UBR2: variants seen among roughly 807,000 people sequenced by gnomAD.
The protein encoded by UBR2 is ubiquitin protein ligase E3 component n-recognin 2.
A neutral mutation model predicts 247.9 loss-of-function variants in UBR2; 92 were observed. That is an observed-to-expected ratio of 0.37 (90% CI 0.31 to 0.44). UBR2 has a LOEUF of 0.44. Ranked by LOEUF, UBR2 falls within the 20% of genes least tolerant of loss-of-function variation. UBR2 has a pLI of 1.00. For missense variants in UBR2, 1,613 were observed against 2,112.6 expected (o/e 0.76, Z 4.64); for synonymous variants, 672 against 693.5 (o/e 0.97, Z 0.49).
intron 25 of UBR2, 123 bp downstream of exon 25, chr6:42,652,768 T>C (rs941137963): frequency 5.6e-6 from 5 of 899,224 alleles, no homozygotes; most frequent in Admixed American, 3.3e-5. Flanking sequence ...AACTTGAATA[T>C]ATTGTTACTG....
intron 2 of UBR2, among the ~76,000 whole-genome samples, chr6:42,587,577 C>CA (rs780339035): frequency 7.2e-5 from 11 of 151,918 alleles, no homozygotes; most frequent in Non-Finnish European, 1.3e-4. Context: ...GGGCTGGTCT[C>CA]AAACTCCTGG....
Position 42,691,783 on chromosome 6 carries a change from T to G in UBR2, c.*610T>G, listed in dbSNP as rs1421206209. On this transcript the variant is annotated 3_prime_UTR_variant, in exon 47 of 47. Transcript: ENST00000372901. ...GCTGGTTTTTCAGGGCTGTTAGAGG[T>G]TTTTTTTTTTTCTTTTTTTTTTTAT... 4.7e-5 allele frequency: 1 copy of G among 21,194 alleles called. No individual in the cohort carries two copies. Among genetic ancestry groups the G allele is most frequent in the Non-Finnish European group, 1.0e-4 (1 of 9,980 alleles). 1.3% of individuals were successfully genotyped at this position (21,194 alleles called of 1,614,324 possible).
intron 17 of UBR2, 132 bp from the exon 18 acceptor site, chr6:42,642,284 A>G (rs1291989785): frequency 1.5e-6 from 1 of 653,130 alleles, no homozygotes; most frequent in East Asian, 2.8e-5. Context: ...TACTAAGATA[A>G]TGTTAATTGT....
chr6:42,571,305 A>G (rs977457364), intron 1 of UBR2, among the ~76,000 whole-genome samples: 3 of 151,406 alleles, frequency 2.0e-5, no homozygotes, highest in Non-Finnish European at 4.4e-5. Context: ...TTGTATTAAA[A>G]TTTTGCAACA....
chr6:42,681,276 G>A (rs192084085), intron 42 of UBR2, among the ~76,000 whole-genome samples: 14 of 152,074 alleles, frequency 9.2e-5, no homozygotes, highest in Admixed American at 9.2e-4. Context: ...AGGCTGAAGT[G>A]GGAGGATCAC....
At position 42,614,177 on chromosome 6, in the gene UBR2, CAAAAAAAAAAAAAA is replaced by C. The variant is rs1167450076; in HGVS notation, c.986-879_986-866del. Among the ~76,000 whole-genome samples, 50 of 11,404 alleles carry C rather than the reference CAAAAAAAAAAAAAA, an allele frequency of 4.4e-3. 1 individual carries two copies. The highest frequency in any genetic ancestry group is 3.4e-3 in the South Asian group (1 of 292). 7.5% of individuals were successfully genotyped at this position (11,404 alleles called of 152,430 possible). A position where few individuals can be genotyped will look rare whatever the true frequency, so the allele number is the denominator to read the frequency against. On this transcript the variant is annotated intron_variant, in intron 8 of 46. Transcript: ENST00000372901. Reference sequence around the variant, plus strand: ...GGGTGACAGAGTAAGACTCTGTCTCCAAAAAAAAAAAAAAAAAAAAAAAAAAAACTATATATATA... The same window carrying C: ...GGGTGACAGAGTAAGACTCTGTCTCCAAAAAAAAAAAAAACTATATATATA...
chr6:42,681,601 G>A (rs1204543606), intron 42 of UBR2, among the ~76,000 whole-genome samples: 2 of 152,026 alleles, frequency 1.3e-5, no homozygotes, highest in Non-Finnish European at 2.9e-5. Flanking sequence ...AATTACAAAT[G>A]TTTACAAGGA....
At chr6:42,629,321 G>T (rs577059597) in intron 11 of UBR2, among the ~76,000 whole-genome samples, 1 of 150,938 alleles carries the variant, frequency 6.6e-6, no homozygotes, top group South Asian at 2.1e-4. Context: ...CCGGCTGATA[G>T]TGGTAATGCT....
At chr6:42,642,757 G>A (rs1373977317) in intron 18 of UBR2, among the ~76,000 whole-genome samples, 1 of 152,058 alleles carries the variant, frequency 6.6e-6, no homozygotes, top group Non-Finnish European at 1.5e-5. Context: ...TTGTTCCACA[G>A]TCTACCTAGT....
chr6:42,666,097 A>G lies in UBR2; in HGVS notation c.3803-70A>G, dbSNP rs1798091081. 5 of 1,314,214 alleles carry G rather than the reference A, an allele frequency of 3.8e-6. No individual in the cohort carries two copies. In the African/African-American group the frequency reaches 4.5e-5, roughly 12 times the overall value. The allele number at this position is 1,314,214 out of a possible 1,614,324, so 81.4% of individuals were successfully genotyped here. On this transcript the variant is annotated intron_variant, in intron 33 of 46. Transcript: ENST00000372901. ...TTTCCTTTTGTTTTTGATTTCTTTG[A>G]CCTATATGGCTGTACTTTTAGGAAT...
intron 44 of UBR2, among the ~76,000 whole-genome samples, chr6:42,687,045 C>T (rs891887218): frequency 2.0e-5 from 3 of 152,098 alleles, no homozygotes; most frequent in Non-Finnish European, 4.4e-5. Context: ...TCAGACTGGG[C>T]GGCCGGGCAG....
At chr6:42,575,504 T>C (rs1791446311) in intron 2 of UBR2, among the ~76,000 whole-genome samples, 1 of 152,240 alleles carries the variant, frequency 6.6e-6, no homozygotes, top group Non-Finnish European at 1.5e-5. Flanking sequence ...CCAAATTATT[T>C]GTATATCTTG....
In UBR2 at chr6:42,580,059, C is replaced by T. The variant is rs571117015; in HGVS notation, c.338+6066C>T. Reference sequence around the variant, plus strand: ...GATTTCTAGGTTTTTTTTTCTGTAGCAAACAATGCTGCAAGGAATACCCTG... The same window carrying T: ...GATTTCTAGGTTTTTTTTTCTGTAGTAAACAATGCTGCAAGGAATACCCTG... On this transcript the variant is annotated intron_variant, in intron 2 of 46. Coordinates refer to ENST00000372901, the MANE Select transcript of UBR2 (RefSeq NM_001363705.2). 4.0e-5 allele frequency among the ~76,000 whole-genome samples: 6 copies of T among 151,186 alleles called. No homozygotes were observed. The South Asian group carries it at 1.3e-3, about 32-fold the overall frequency.
At chr6:42,577,134 C>T (rs923891173) in intron 2 of UBR2, among the ~76,000 whole-genome samples, 2 of 151,956 alleles carry the variant, frequency 1.3e-5, no homozygotes, top group Non-Finnish European at 2.9e-5. Context: ...TCCATGAAAC[C>T]CAGCGCCCTG....
chr6:42,632,958 C>T (rs1336313482), intron 13 of UBR2, 54 bp downstream of exon 13: 299 of 646,708 alleles, frequency 4.6e-4, no homozygotes, highest in South Asian at 1.6e-3. Context: ...TCTCTTTTCT[C>T]TTTTTTTTTT....
chr6:42,565,964 C>G (rs1370273142), intron 1 of UBR2, among the ~76,000 whole-genome samples: 1 of 151,986 alleles, frequency 6.6e-6, no homozygotes, highest in Non-Finnish European at 1.5e-5. Flanking sequence ...TTTCGTTTAT[C>G]GGAGATTTGA....
At chr6:42,628,281 A>C (rs1324234781) in intron 11 of UBR2, among the ~76,000 whole-genome samples, 1 of 152,214 alleles carries the variant, frequency 6.6e-6, no homozygotes, top group East Asian at 1.9e-4. Flanking sequence ...TCTTTAAAAA[A>C]AAAACAAAAC....
At chr6:42,614,272 G>T (rs1215167884) in intron 8 of UBR2, among the ~76,000 whole-genome samples, 1 of 132,656 alleles carries the variant, frequency 7.5e-6, no homozygotes. Context: ...ACACACACAC[G>T]TACATATATA....
At chr6:42,617,657 G>C in intron 11 of UBR2, 150 bp downstream of exon 11, 1 of 727,072 alleles carries the variant, frequency 1.4e-6, no homozygotes, top group Non-Finnish European at 2.2e-6. Flanking sequence ...TCTTTTACTA[G>C]AATATAACCT....
Sources: gnomAD v4.1 joint callset for allele counts (sites outside exome capture counted in the v4.1 genomes callset) on GRCh38, gnomAD v4.1.1 for gene constraint, MANE v1.5 for transcripts, NCBI Gene and HGNC (gene_info 2026-07-23, HGNC 2026-07-21) for gene names.